GSTA2: variants seen among roughly 807,000 people sequenced by gnomAD.
The protein encoded by GSTA2 is glutathione S-transferase alpha 2, also known as glutathione S-transferase A2.
GSTA2 carries 27 observed loss-of-function variants against 22.4 expected under a neutral mutation model. The observed-to-expected ratio is 1.21, with a 90% CI of 0.89 to 1.67. The LOEUF (loss-of-function observed/expected upper bound fraction) is 1.67, where lower values mean the gene tolerates loss of function less well. Among genes scored for constraint, GSTA2 ranks in the 40% most tolerant of loss-of-function variants. The pLI, the probability that GSTA2 is intolerant of heterozygous loss-of-function variation, is 0.00. For synonymous variants in GSTA2, 121 were observed against 86.8 expected (o/e 1.39, Z -2.19); for missense variants, 302 against 260.2 (o/e 1.16, Z -1.11).
At chr6:52,758,047 T>C in intron 1 of GSTA2, 70 bp from the exon 2 acceptor site, 2 of 950,192 alleles carry the variant, frequency 2.1e-6, no homozygotes, top group Admixed American at 2.1e-5. Context: ...TTAGGATGTA[T>C]GGTTGAAAAC....
At chr6:52,757,589 T>C (rs1252402701) in intron 2 of GSTA2, among the ~76,000 whole-genome samples, 1 of 152,232 alleles carries the variant, frequency 6.6e-6, no homozygotes, top group South Asian at 2.1e-4. Flanking sequence ...ATAAATGCCA[T>C]AAATTATTTT....
chr6:52,750,626 G>C lies in GSTA2; in HGVS notation c.620C>G (p.Pro207Arg), dbSNP rs773194896. Residue 207 changes from proline (P) to arginine (R), a missense_variant, in exon 7 of 7, where the codon CCC becomes CGC. Pro to Arg is a moderately radical substitution (Grantham distance 103). Transcript: ENST00000493422. ...FLQPGSPRKP[P>R]MDEKSLEESR... ...TTCTTCTAAAGATTTCTCATCCATG[G>C]GAGGCTTCCTTGGGCTGCCAGGCTG... is the stretch of plus-strand genomic sequence containing the variant. 2 of 1,613,756 alleles carry C rather than the reference G, an allele frequency of 1.2e-6. No homozygotes were observed. The highest frequency in any genetic ancestry group is 8.5e-7 in the Non-Finnish European group (1 of 1,179,848).
intron 1 of GSTA2, among the ~76,000 whole-genome samples, chr6:52,761,627 T>C (rs149754812): frequency 6.6e-6 from 1 of 150,694 alleles, no homozygotes; most frequent in African/African-American, 2.4e-5. Flanking sequence ...CAGGAAGTTT[T>C]CAGTGAATGT....
At chr6:52,751,226 G>A (rs1179782515) in intron 6 of GSTA2, among the ~76,000 whole-genome samples, 3 of 152,144 alleles carry the variant, frequency 2.0e-5, no homozygotes, top group Non-Finnish European at 4.4e-5. Flanking sequence ...AAAGGGCTCT[G>A]CTCAGACTGA....
rs1440818944 is a variant in GSTA2 at position 52,762,363 on chromosome 6, AC to A, written c.-31+1080del. On this transcript the variant is annotated intron_variant, in intron 1 of 6. Coordinates refer to ENST00000493422, the MANE Select transcript of GSTA2 (RefSeq NM_000846.5). The stretch of plus-strand genomic sequence containing the variant: ...GGGCAATGGAATGTCTTGGTGTAAA[AC>A]CCAATTGTATGTTCCATCTACTGAC... Among the ~76,000 whole-genome samples the A allele has an allele frequency of 5.3e-5, 8 of 152,252 alleles. No homozygotes were observed. In the East Asian group the frequency reaches 1.5e-3, roughly 29 times the overall value.
intron 6 of GSTA2, 36 bp downstream of exon 6, chr6:52,751,541 T>G: frequency 6.2e-7 from 1 of 1,613,266 alleles, no homozygotes; most frequent in African/African-American, 1.3e-5. Context: ...ATGGGAGATG[T>G]GGGTCTGCCT....
intron 5 of GSTA2, 54 bp from the exon 6 acceptor site, chr6:52,751,762 C>A (rs200693029): frequency 1.5e-4 from 234 of 1,613,212 alleles, no homozygotes; most frequent in Non-Finnish European, 1.8e-4. Context: ...GGCTGGGACC[C>A]CTGCTTCTTT....
In GSTA2 at chr6:52,750,441, T is replaced by C. The variant is rs1007777242; in HGVS notation, c.*136A>G. 9 of 759,782 alleles carry C rather than the reference T, an allele frequency of 1.2e-5. No homozygotes were observed. In the African/African-American group the frequency reaches 1.6e-4, roughly 13 times the overall value. The allele number at this position is 759,782 out of a possible 1,614,324, so 47.1% of individuals were successfully genotyped here. On this transcript the variant is annotated 3_prime_UTR_variant, in exon 7 of 7. Transcript: ENST00000493422. ...ACTAAGTGGGTGAATAGGAGTTGTA[T>C]TATTTAATTAGCATATAATTTGAAA...
chr6:52,762,003 A>G (rs538703791), intron 1 of GSTA2, among the ~76,000 whole-genome samples: 1 of 151,546 alleles, frequency 6.6e-6, no homozygotes, highest in East Asian at 1.9e-4. Flanking sequence ...TGTGGACTCA[A>G]GGTTTAATGG....
At chr6:52,760,811 C>T (rs73740549) in intron 1 of GSTA2, among the ~76,000 whole-genome samples, 2,718 of 152,246 alleles carry the variant, frequency 0.018, 86 homozygotes, top group African/African-American at 0.061. Flanking sequence ...GAAGAAAAAA[C>T]TAATAAAAGT....
chr6:52,763,187 C>T (rs1762981240), intron 1 of GSTA2, among the ~76,000 whole-genome samples: 1 of 152,068 alleles, frequency 6.6e-6, no homozygotes, highest in African/African-American at 2.4e-5. Context: ...TTTTTCTCCT[C>T]ATGTCATTGT....
rs188540688 is a variant in GSTA2 at position 52,756,137 on chromosome 6, C to T, written c.139+121G>A. ...ACATCCCTTCCATTTTAACCACTTT[C>T]TCCCTCTGCACCATGTACAAATACC... On this transcript the variant is annotated intron_variant, in intron 3 of 6. Transcript: ENST00000493422. 1.0e-3 allele frequency: 650 copies of T among 633,330 alleles called. 4 individuals carry two copies. The highest frequency in any genetic ancestry group is 2.5e-3 in the South Asian group (131 of 52,508). 39.2% of individuals were successfully genotyped at this position (633,330 alleles called of 1,614,324 possible). A position where few individuals can be genotyped will look rare whatever the true frequency, so the allele number is the denominator to read the frequency against.
At chr6:52,754,827 G>A (rs1762810202) in intron 4 of GSTA2, 116 bp downstream of exon 4, 2 of 1,384,080 alleles carry the variant, frequency 1.4e-6, no homozygotes, top group Admixed American at 1.9e-5. Flanking sequence ...CAGCGTGCAT[G>A]CCCAAGGCCC....
intron 1 of GSTA2, among the ~76,000 whole-genome samples, chr6:52,762,946 C>T (rs1360812241): frequency 1.3e-5 from 2 of 152,172 alleles, no homozygotes; most frequent in African/African-American, 2.4e-5. Flanking sequence ...TATGACTTGT[C>T]GTCGAGCTAA....
intron 4 of GSTA2, 40 bp from the exon 5 acceptor site, chr6:52,753,035 C>T: frequency 6.4e-7 from 1 of 1,553,540 alleles, no homozygotes; most frequent in Non-Finnish European, 8.7e-7. Context: ...ATATCTTTTG[C>T]CTTAGATTTT....
In GSTA2 at chr6:52,759,563, G is replaced by GTTTT. The variant is rs70977382; in HGVS notation, c.-30-1590_-30-1587dup. ...CCTTTAACAACTAATGTATTTATTTGTTTTTTTTTTTTTTTTTTTTTTTTT... is the reference window on the plus strand; with the variant it reads ...CCTTTAACAACTAATGTATTTATTTGTTTTTTTTTTTTTTTTTTTTTTTTTTTTT... On this transcript the variant is annotated intron_variant, in intron 1 of 6. Transcript: ENST00000493422. Among the ~76,000 whole-genome samples, 11 of 34,198 alleles carry GTTTT rather than the reference G, an allele frequency of 3.2e-4. 3 individuals are homozygous for GTTTT. The highest frequency in any genetic ancestry group is 4.8e-4 in the Non-Finnish European group (8 of 16,554). The allele number at this position is 34,198 out of a possible 152,430, so 22.4% of individuals were successfully genotyped here. A position where few individuals can be genotyped will look rare whatever the true frequency, so the allele number is the denominator to read the frequency against.
chr6:52,754,348 C>T (rs1303613946), intron 4 of GSTA2, among the ~76,000 whole-genome samples: 2 of 152,216 alleles, frequency 1.3e-5, no homozygotes, highest in Non-Finnish European at 2.9e-5. Flanking sequence ...ATCACAACAA[C>T]AAGGAGACCC....
intron 2 of GSTA2, among the ~76,000 whole-genome samples, chr6:52,756,601 A>G (rs1318108644): frequency 6.6e-6 from 1 of 152,222 alleles, no homozygotes; most frequent in East Asian, 1.9e-4. Context: ...GAGAAAAGGC[A>G]CTGAGCAGTT....
At chr6:52,754,852 C>T in intron 4 of GSTA2, 91 bp downstream of exon 4, 1 of 1,566,988 alleles carries the variant, frequency 6.4e-7, no homozygotes, top group South Asian at 1.1e-5. Flanking sequence ...TGCTGCTGGT[C>T]TTGATACCCT....
Sources: allele counts gnomAD v4.1 joint callset (sites outside exome capture counted in the v4.1 genomes callset), GRCh38; gene constraint gnomAD v4.1.1; transcripts MANE v1.5; gene names NCBI Gene and HGNC (gene_info 2026-07-23, HGNC 2026-07-21).